Variants in CCDC172 observed in about 807,000 individuals in gnomAD.
CCDC172 encodes coiled-coil domain-containing protein 172.
In CCDC172, 30 loss-of-function variants were observed where a neutral mutation model predicts 38.0. That is an observed-to-expected ratio of 0.79 (90% confidence interval 0.59 to 1.07). The LOEUF is 1.07. Ranked by LOEUF, CCDC172 falls within the 50% of genes least tolerant of loss-of-function variation. CCDC172 has a pLI of 0.00. For missense variants in CCDC172, 297 were observed against 290.1 expected (o/e 1.02, Z -0.17); for synonymous variants, 78 against 88.3 (o/e 0.88, Z 0.66).
Position 116,339,781 on chromosome 10 carries a change from T to G in CCDC172, c.166-953T>G, listed in dbSNP as rs146765275. Among the ~76,000 whole-genome samples the G allele has an allele frequency of 6.5e-3, 981 of 152,052 alleles. 11 individuals are homozygous for G. The highest frequency in any genetic ancestry group is 0.022 in the African/African-American group (933 of 41,558). ...TTCAAACTGTCTCTTAAGCCAACCCTTTTGCCTCTGGACTAGACTATTTCT... is the reference window on the plus strand; with the variant it reads ...TTCAAACTGTCTCTTAAGCCAACCCGTTTGCCTCTGGACTAGACTATTTCT... On this transcript the variant is annotated intron_variant, in intron 3 of 8. Coordinates refer to ENST00000333254, the MANE Select transcript of CCDC172 (RefSeq NM_198515.3).
At chr10:116,354,450 A>T (rs758730451) in intron 5 of CCDC172, among the ~76,000 whole-genome samples, 1 of 152,160 alleles carries the variant, frequency 6.6e-6, no homozygotes, top group African/African-American at 2.4e-5. Flanking sequence ...CAGGCCAGGC[A>T]TGGTGGCTCA....
At chr10:116,337,099 T>C (rs145334633) in intron 3 of CCDC172, among the ~76,000 whole-genome samples, 1 of 151,778 alleles carries the variant, frequency 6.6e-6, no homozygotes, top group Non-Finnish European at 1.5e-5. Context: ...CTACTATAAA[T>C]TAGAATTTTC....
intron 7 of CCDC172, among the ~76,000 whole-genome samples, chr10:116,372,557 C>T (rs1845197448): frequency 6.6e-6 from 1 of 152,056 alleles, no homozygotes; most frequent in African/African-American, 2.4e-5. Flanking sequence ...GTATCCTCTT[C>T]GGTCTGGCTT....
intron 3 of CCDC172, among the ~76,000 whole-genome samples, chr10:116,335,195 A>G (rs542271922): frequency 3.1e-4 from 47 of 152,140 alleles, no homozygotes; most frequent in Non-Finnish European, 6.2e-4. Context: ...TAATACTTTT[A>G]TAGTGGTTTT....
chr10:116,346,105 C>G (rs1844863314), intron 5 of CCDC172, among the ~76,000 whole-genome samples: 1 of 151,898 alleles, frequency 6.6e-6, no homozygotes, highest in African/African-American at 2.4e-5. Flanking sequence ...CCAGCCTGGC[C>G]AACATAGTGA....
At chr10:116,367,838 C>CCT (rs1180689406) in intron 7 of CCDC172, among the ~76,000 whole-genome samples, 4 of 151,616 alleles carry the variant, frequency 2.6e-5, no homozygotes, top group African/African-American at 7.3e-5. Flanking sequence ...TTCCCTTTCT[C>CCT]CTCTCTCTCT....
At chr10:116,373,086 A>G (rs1204471715) in intron 7 of CCDC172, among the ~76,000 whole-genome samples, 3 of 152,150 alleles carry the variant, frequency 2.0e-5, no homozygotes, top group Non-Finnish European at 4.4e-5. Context: ...CAAAGAAATA[A>G]TAAAACTCCA....
Position 116,325,368 on chromosome 10 carries a change from AAAAT to A in CCDC172, c.146_149del (p.Lys49ThrfsTer20), listed in dbSNP as rs745440438. On this transcript the variant is annotated frameshift_variant, in exon 3 of 9. Transcript: ENST00000333254. LOFTEE classifies it high-confidence loss of function. Reference sequence around the variant, plus strand: ...AGCAACGGAGGAGCTGAATGAAGAGAAAATCAAGCTGGAATCTAAGGTATTGAAA... The same window carrying A: ...AGCAACGGAGGAGCTGAATGAAGAGACAAGCTGGAATCTAAGGTATTGAAA... The A allele has an allele frequency of 5.6e-6, 9 of 1,613,646 alleles. No individual in the cohort carries two copies. The African/African-American group carries it at 1.1e-4, about 19-fold the overall frequency.
intron 3 of CCDC172, among the ~76,000 whole-genome samples, chr10:116,338,924 G>A (rs1844761992): frequency 6.6e-6 from 1 of 152,004 alleles, no homozygotes; most frequent in Admixed American, 6.6e-5. Flanking sequence ...CGTTTCTGAA[G>A]GGCATAATAC....
chr10:116,337,857 C>T (rs151040618), intron 3 of CCDC172, among the ~76,000 whole-genome samples: 53 of 152,128 alleles, frequency 3.5e-4, no homozygotes, highest in African/African-American at 1.2e-3. Flanking sequence ...GGTTATATTT[C>T]GAATATTTAC....
chr10:116,336,057 C>A (rs1290643119), intron 3 of CCDC172, among the ~76,000 whole-genome samples: 2 of 152,016 alleles, frequency 1.3e-5, no homozygotes, highest in Admixed American at 1.3e-4. Flanking sequence ...ATCCCAGCTA[C>A]CCGGGAGGCT....
At chr10:116,325,190 G>T (rs1844575712) in intron 2 of CCDC172, 100 bp downstream of exon 2, 16 of 1,477,270 alleles carry the variant, frequency 1.1e-5, no homozygotes, top group Non-Finnish European at 1.5e-5. Context: ...AGCCGTTAGG[G>T]GAGCTTGCAT....
intron 7 of CCDC172, among the ~76,000 whole-genome samples, chr10:116,374,187 G>A (rs981460559): frequency 1.3e-5 from 2 of 152,168 alleles, no homozygotes; most frequent in Middle Eastern, 3.4e-3. Context: ...GTGGTAACCC[G>A]TATTGCACTT....
rs566792617 is a variant in CCDC172, at chr10:116,327,014, A to G, written c.165+1626A>G. ...AGGAATTAAGACACTTTCAGGATTG[A>G]TATCTAGAAGCTAATAGAAGTAATG... On this transcript the variant is annotated intron_variant, in intron 3 of 8. Transcript: ENST00000333254. 4.6e-5 allele frequency among the ~76,000 whole-genome samples: 7 copies of G among 152,286 alleles called. No individual in the cohort carries two copies. In the South Asian group the frequency reaches 1.5e-3, roughly 32 times the overall value.
intron 5 of CCDC172, among the ~76,000 whole-genome samples, chr10:116,345,855 A>G (rs548427182): frequency 6.6e-6 from 1 of 152,184 alleles, no homozygotes; most frequent in South Asian, 2.1e-4. Context: ...TGGGAATGTA[A>G]AATTAATGGT....
At chr10:116,335,270 T>C (rs1276833212) in intron 3 of CCDC172, among the ~76,000 whole-genome samples, 1 of 152,028 alleles carries the variant, frequency 6.6e-6, no homozygotes, top group Admixed American at 6.6e-5. Flanking sequence ...ATGTTCCCCA[T>C]TGATCGGAAA....
chr10:116,356,356 AG>A (rs79499888), intron 5 of CCDC172, among the ~76,000 whole-genome samples: 33,388 of 137,630 alleles, frequency 0.24, 5,892 homozygotes, highest in African/African-American at 0.48. Context: ...AGAGAAAGAA[AG>A]GGGGGGAGGA....
At chr10:116,340,616 C>A in intron 3 of CCDC172, 118 bp from the exon 4 acceptor site, 1 of 549,362 alleles carries the variant, frequency 1.8e-6, no homozygotes, top group Non-Finnish European at 3.2e-6. Context: ...TTTTATTTTG[C>A]ATTTTAAAGA....
chr10:116,325,573 C>T (rs544623454), intron 3 of CCDC172, among the ~76,000 whole-genome samples, 185 bp downstream of exon 3: 78 of 152,260 alleles, frequency 5.1e-4, no homozygotes, highest in Non-Finnish European at 8.5e-4. Flanking sequence ...ACCTTCAATT[C>T]CAAGACGAAT....
Sources: allele counts gnomAD v4.1 joint callset (sites outside exome capture counted in the v4.1 genomes callset), GRCh38; gene constraint gnomAD v4.1.1; transcripts MANE v1.5; gene names NCBI Gene and HGNC (gene_info 2026-07-23, HGNC 2026-07-21).